PRKCQ: variants seen among roughly 807,000 people sequenced by gnomAD.
PRKCQ encodes protein kinase C theta, also known as protein kinase C theta type.
Under a neutral mutation model 91.2 loss-of-function variants are expected in PRKCQ, and 41 were observed. That is an observed-to-expected ratio of 0.45 (90% CI 0.35 to 0.58). The LOEUF is 0.58. Among genes scored for constraint, PRKCQ ranks in the 20% least tolerant of loss-of-function variants. The probability of loss-of-function intolerance (pLI) is 0.00; values close to 1 mark genes in which losing one functional copy is unlikely to be tolerated. For synonymous variants in PRKCQ, 307 were observed against 316.9 expected (o/e 0.97, Z 0.33); for missense variants, 673 against 896.5 (o/e 0.75, Z 3.18).
At chr10:6,480,033 G>C (rs1836510514) in intron 11 of PRKCQ, among the ~76,000 whole-genome samples, 1 of 152,162 alleles carries the variant, frequency 6.6e-6, no homozygotes, top group African/African-American at 2.4e-5. Flanking sequence ...TGTATGGCAT[G>C]TAGTAGGTCC....
the PRKCQ span, among the ~76,000 whole-genome samples, chr10:6,411,067 T>C: frequency 6.6e-6 from 1 of 152,172 alleles, no homozygotes. Context: ...CACGCTGATC[T>C]TTGAGTTTTA....
chr10:6,464,711 G>A (rs546346003), intron 12 of PRKCQ, among the ~76,000 whole-genome samples: 5 of 152,316 alleles, frequency 3.3e-5, no homozygotes, highest in East Asian at 1.9e-4. Flanking sequence ...GCCTCCCAAA[G>A]TGCTGGGATT....
chr10:6,427,822 T>C lies in PRKCQ; in HGVS notation c.*385A>G, dbSNP rs1481161242. The C allele has an allele frequency of 1.7e-5, 4 of 241,846 alleles. No homozygotes were observed. The highest frequency in any genetic ancestry group is 1.0e-4 in the Admixed American group (2 of 19,274). 15.0% of individuals were successfully genotyped at this position (241,846 alleles called of 1,614,324 possible). ...GGCCGTTTCAGTCTTGAGACGTCTG[T>C]ACTCCGTTTGCCCCTGATTCAACAA... On this transcript the variant is annotated 3_prime_UTR_variant, in exon 18 of 18. Coordinates refer to ENST00000263125, the MANE Select transcript of PRKCQ (RefSeq NM_006257.5).
chr10:6,453,142 C>G (rs964609357), intron 15 of PRKCQ, among the ~76,000 whole-genome samples: 154 of 150,334 alleles, frequency 1.0e-3, no homozygotes, highest in Middle Eastern at 3.4e-3. Flanking sequence ...AGGCAACCTA[C>G]AAAATGGGAG....
At chr10:6,464,738 A>G (rs1488368253) in intron 12 of PRKCQ, among the ~76,000 whole-genome samples, 2 of 152,200 alleles carry the variant, frequency 1.3e-5, no homozygotes, top group African/African-American at 2.4e-5. Context: ...GTGAGCCGCC[A>G]TACCCAGTCA....
At chr10:6,510,926 G>T in intron 3 of PRKCQ, 69 bp downstream of exon 3, 1 of 1,572,138 alleles carries the variant, frequency 6.4e-7, no homozygotes. Context: ...ATTGACATGG[G>T]AGTTCTGAGC....
chr10:6,404,593 TTC>T, the PRKCQ span, among the ~76,000 whole-genome samples: 162 of 141,698 alleles, frequency 1.1e-3, no homozygotes, highest in Non-Finnish European at 1.7e-3. Context: ...CTTTCTTTTT[TTC>T]TCTCTCTCTT....
At chr10:6,516,754 T>A (rs1422835829) in intron 1 of PRKCQ, among the ~76,000 whole-genome samples, 2 of 152,154 alleles carry the variant, frequency 1.3e-5, no homozygotes, top group Non-Finnish European at 2.9e-5. Context: ...TTTTCTGGTG[T>A]CACCCTGCTA....
intron 17 of PRKCQ, among the ~76,000 whole-genome samples, chr10:6,429,069 G>C (rs1442253464): frequency 1.3e-5 from 2 of 152,226 alleles, no homozygotes; most frequent in African/African-American, 4.8e-5. Flanking sequence ...ATTATCAACA[G>C]AAAGTGCTAT....
chr10:6,475,998 T>C (rs1191310422), intron 12 of PRKCQ, among the ~76,000 whole-genome samples: 1 of 152,196 alleles, frequency 6.6e-6, no homozygotes, highest in Non-Finnish European at 1.5e-5. Flanking sequence ...GATGCACTTG[T>C]GGCTCAGGTC....
intron 1 of PRKCQ, among the ~76,000 whole-genome samples, chr10:6,542,010 G>A (rs564819758): frequency 9.8e-5 from 15 of 152,316 alleles, no homozygotes; most frequent in African/African-American, 3.4e-4. Context: ...GTCAAGGAAA[G>A]CAACCACACC....
chr10:6,425,313 C>A (rs1564283054), downstream of PRKCQ, among the ~76,000 whole-genome samples: 1 of 151,866 alleles, frequency 6.6e-6, no homozygotes, highest in Non-Finnish European at 1.5e-5. Context: ...CGACCTCCGC[C>A]TCCCGAGTTC....
the PRKCQ span, among the ~76,000 whole-genome samples, chr10:6,403,867 A>G: frequency 5.9e-5 from 9 of 152,132 alleles, no homozygotes; most frequent in Admixed American, 2.6e-4. Flanking sequence ...CATTAGCCTC[A>G]GCAATACTTT....
intron 14 of PRKCQ, among the ~76,000 whole-genome samples, chr10:6,458,269 C>G (rs1165830776): frequency 1.3e-5 from 2 of 152,154 alleles, no homozygotes; most frequent in African/African-American, 2.4e-5. Flanking sequence ...GGGAAAGGTT[C>G]TGAAAGGCTG....
chr10:6,571,323 CT>C (rs916465292), intron 1 of PRKCQ, among the ~76,000 whole-genome samples: 10 of 152,168 alleles, frequency 6.6e-5, no homozygotes, highest in African/African-American at 2.4e-4. Context: ...AAGGGAAACG[CT>C]TTAGTGGAGG....
chr10:6,435,571 T>A (rs1488224715), intron 16 of PRKCQ, among the ~76,000 whole-genome samples: 1 of 152,176 alleles, frequency 6.6e-6, no homozygotes, highest in African/African-American at 2.4e-5. Context: ...ACATGGGAAA[T>A]AACAAGTCCA....
At chr10:6,437,942 C>T (rs1022118158) in intron 16 of PRKCQ, among the ~76,000 whole-genome samples, 6 of 152,148 alleles carry the variant, frequency 3.9e-5, no homozygotes, top group African/African-American at 7.2e-5. Flanking sequence ...CGTGAGCCAC[C>T]GTGCCCGGCT....
Position 6,508,073 on chromosome 10 carries a change from G to A in PRKCQ, c.319-577C>T, listed in dbSNP as rs139913896. On this transcript the variant is annotated intron_variant, in intron 3 of 17. Transcript: ENST00000263125. ...CACTAAAGAAAATTCTAATTACACTGATCTGGGAAGGAATTTATAAATGTA... is the reference window on the plus strand; with the variant it reads ...CACTAAAGAAAATTCTAATTACACTAATCTGGGAAGGAATTTATAAATGTA... Among the ~76,000 whole-genome samples the A allele has an allele frequency of 9.5e-4, 144 of 152,222 alleles. 1 individual carries two copies. Among genetic ancestry groups the A allele is most frequent in the Non-Finnish European group, 5.4e-4 (37 of 68,016 alleles).
intron 1 of PRKCQ, among the ~76,000 whole-genome samples, chr10:6,565,111 G>C (rs368719221): frequency 2.6e-5 from 4 of 152,176 alleles, no homozygotes; most frequent in African/African-American, 9.7e-5. Context: ...GCAAATATAC[G>C]TTTCACTTTT....
Sources: gnomAD v4.1 joint callset for allele counts (sites outside exome capture counted in the v4.1 genomes callset) on GRCh38, gnomAD v4.1.1 for gene constraint, MANE v1.5 for transcripts, NCBI Gene and HGNC (gene_info 2026-07-23, HGNC 2026-07-21) for gene names.